The following TRIM2 variants were observed in gnomAD, a reference collection of about 807,000 sequenced individuals.
TRIM2 encodes the protein tripartite motif-containing protein 2.
A neutral mutation model predicts 75.2 loss-of-function variants in TRIM2; 20 were observed. The observed-to-expected ratio is 0.27, with a 90% confidence interval of 0.19 to 0.39. The LOEUF is 0.39. Among genes scored for constraint, TRIM2 ranks in the 10% least tolerant of loss-of-function variants. TRIM2 has a pLI of 1.00. For missense variants in TRIM2, 660 were observed against 990.8 expected (o/e 0.67, Z 4.48); for synonymous variants, 373 against 388.3 (o/e 0.96, Z 0.46).
chr4:153,284,835 A>G (rs1443895597), intron 3 of TRIM2, among the ~76,000 whole-genome samples: 1 of 152,002 alleles, frequency 6.6e-6, no homozygotes, highest in Non-Finnish European at 1.5e-5. Flanking sequence ...TATGTTCTGG[A>G]TTATTATACC....
chr4:153,244,168 CT>C (rs1560872344), intron 1 of TRIM2, among the ~76,000 whole-genome samples: 2 of 146,182 alleles, frequency 1.4e-5, no homozygotes, highest in Admixed American at 6.8e-5. Context: ...TCTTCTTCTT[CT>C]TCTTCTTCTT....
chr4:153,213,122 G>T (rs1469400085), intron 1 of TRIM2, among the ~76,000 whole-genome samples: 1 of 152,110 alleles, frequency 6.6e-6, no homozygotes, highest in Non-Finnish European at 1.5e-5. Flanking sequence ...TGCTTTATGT[G>T]TATGAGCCAG....
rs1765384550 is a variant in TRIM2, at chr4:153,307,937, G to T, written c.1511-7548G>T. On this transcript the variant is annotated intron_variant, in intron 6 of 11. Transcript: ENST00000338700. ...CTTGAGTCCCCATGCCCATTATGGA[G>T]TCGTACAGCCGGTCAGCGAAATACA... 4.0e-6 allele frequency: 3 copies of T among 754,868 alleles called. No individual in the cohort carries two copies. The South Asian group carries it at 4.1e-5, about 10-fold the overall frequency. 46.8% of individuals were successfully genotyped at this position (754,868 alleles called of 1,614,324 possible).
intron 1 of TRIM2, among the ~76,000 whole-genome samples, chr4:153,249,288 C>A (rs536743309): frequency 2.6e-5 from 4 of 152,246 alleles, no homozygotes; most frequent in African/African-American, 9.6e-5. Flanking sequence ...GAGCGCAGCT[C>A]GGCTCCCGCC....
chr4:153,167,771 A>T (rs1421689048), intron 1 of TRIM2, among the ~76,000 whole-genome samples: 1 of 152,206 alleles, frequency 6.6e-6, no homozygotes, highest in East Asian at 1.9e-4. Context: ...AAGAGCGCAG[A>T]CTTAGGTCAA....
Position 153,170,837 on chromosome 4 carries a change from C to T in TRIM2, c.-49+17567C>T, listed in dbSNP as rs184331446. Among the ~76,000 whole-genome samples, 4 of 152,284 alleles carry T rather than the reference C, an allele frequency of 2.6e-5. No homozygotes were observed. In the East Asian group the frequency reaches 5.8e-4, roughly 22 times the overall value. ...AGAAAGGGACACCTTTTTCTAATCA[C>T]ACAAAGGGCTACTGGTGGGCTGCCC... On this transcript the variant is annotated intron_variant, in intron 1 of 11. Coordinates refer to the TRIM2 transcript ENST00000437508.
chr4:153,317,300 C>T (rs1292357781), intron 8 of TRIM2, among the ~76,000 whole-genome samples: 1 of 151,974 alleles, frequency 6.6e-6, no homozygotes, highest in Non-Finnish European at 1.5e-5. Flanking sequence ...TGGCCATCTG[C>T]AAATCGTAAC....
At chr4:153,292,796 T>A (rs1046707958) in intron 3 of TRIM2, among the ~76,000 whole-genome samples, 186 bp from the exon 4 acceptor site, 4 of 152,182 alleles carry the variant, frequency 2.6e-5, no homozygotes, top group African/African-American at 9.7e-5. Context: ...AGAAGTCAGC[T>A]CCATTTCTGA....
intron 2 of TRIM2, among the ~76,000 whole-genome samples, chr4:153,271,982 T>A (rs1466444345): frequency 6.6e-6 from 1 of 152,184 alleles, no homozygotes; most frequent in Non-Finnish European, 1.5e-5. Context: ...GCCCTAGGTC[T>A]GCCCCTGCTA....
chr4:153,242,573 A>T (rs532407013), intron 1 of TRIM2, among the ~76,000 whole-genome samples: 1 of 152,254 alleles, frequency 6.6e-6, no homozygotes, highest in South Asian at 2.1e-4. Flanking sequence ...GCAGCATGAG[A>T]GCTATTTGCT....
At chr4:153,311,166 C>T (rs1287621142) in intron 6 of TRIM2, among the ~76,000 whole-genome samples, 1 of 152,174 alleles carries the variant, frequency 6.6e-6, no homozygotes, top group Non-Finnish European at 1.5e-5. Flanking sequence ...CAAAATACAA[C>T]TATTGCCCAT....
intron 6 of TRIM2, among the ~76,000 whole-genome samples, chr4:153,297,486 C>T (rs1763007257): frequency 6.6e-6 from 1 of 152,192 alleles, no homozygotes; most frequent in Non-Finnish European, 1.5e-5. Flanking sequence ...AGCTGAATGC[C>T]TGACATGTAG....
At chr4:153,243,829 T>A (rs1747365698) in intron 1 of TRIM2, among the ~76,000 whole-genome samples, 1 of 124,724 alleles carries the variant, frequency 8.0e-6, no homozygotes. Flanking sequence ...CCCCCCCCCC[T>A]TGAGACAGGA....
At chr4:153,234,622 C>T (rs1444926423) in intron 1 of TRIM2, among the ~76,000 whole-genome samples, 1 of 152,164 alleles carries the variant, frequency 6.6e-6, no homozygotes, top group African/African-American at 2.4e-5. Context: ...GGCTTAGAGT[C>T]ATTGTCTGTA....
intron 6 of TRIM2, among the ~76,000 whole-genome samples, chr4:153,298,104 C>T (rs1452863034): frequency 6.6e-6 from 1 of 152,142 alleles, no homozygotes; most frequent in Non-Finnish European, 1.5e-5. Flanking sequence ...TCCCCTCGTA[C>T]CTACTGAGAA....
chr4:153,261,275 T>C (rs1479573903), intron 1 of TRIM2, among the ~76,000 whole-genome samples: 1 of 152,148 alleles, frequency 6.6e-6, no homozygotes, highest in African/African-American at 2.4e-5. Context: ...TACAAAAATT[T>C]AGCTGGTTGT....
At chr4:153,299,553 C>G (rs1323294574) in intron 6 of TRIM2, among the ~76,000 whole-genome samples, 1 of 152,110 alleles carries the variant, frequency 6.6e-6, no homozygotes, top group African/African-American at 2.4e-5. Flanking sequence ...ACAGTGAGTT[C>G]TAGATTTCTT....
chr4:153,223,243 C>A (rs1382955164), intron 1 of TRIM2, among the ~76,000 whole-genome samples: 1 of 152,162 alleles, frequency 6.6e-6, no homozygotes, highest in Non-Finnish European at 1.5e-5. Flanking sequence ...GGACGCCGCG[C>A]GGCTCCCAGG....
rs1357090994 is a variant in TRIM2 at position 153,295,622 on chromosome 4, A to G, written c.1096A>G (p.Ile366Val). 2.5e-6 allele frequency: 4 copies of G among 1,613,958 alleles called. No individual in the cohort carries two copies. The highest frequency in any genetic ancestry group is 1.3e-5 in the African/African-American group (1 of 75,004). Reference protein sequence around the residue: ...VATGEGLRQTIIGQPMSVTIT... With the variant: ...VATGEGLRQTVIGQPMSVTIT... The stretch of plus-strand genomic sequence containing the variant: ...CACGGGCGAGGGGCTGCGGCAGACC[A>G]TCATCGGGCAGCCCATGTCCGTCAC... Residue 366 changes from isoleucine (I) to valine (V), a missense_variant, in exon 6 of 12, where the codon ATC (isoleucine) becomes GTC (valine). Coordinates refer to ENST00000338700, the MANE Select transcript of TRIM2 (RefSeq NM_015271.5). This position sits in a 1 kb window ranked among gnomAD's most constrained non-coding sequence, Gnocchi z 7.2.
Sources: gnomAD v4.1 joint callset for allele counts (sites outside exome capture counted in the v4.1 genomes callset) on GRCh38, gnomAD v4.1.1 for gene constraint, Gnocchi (gnomAD v3.1) non-coding constraint, MANE v1.5 for transcripts, NCBI Gene and HGNC (gene_info 2026-07-23, HGNC 2026-07-21) for gene names.